The following NCAM1 variants were observed in gnomAD, a reference collection of about 807,000 sequenced individuals.
NCAM1 encodes the protein antigen recognized by monoclonal antibody 5.1H11.
A neutral mutation model predicts 109.8 loss-of-function variants in NCAM1; 14 were observed. That is an observed-to-expected ratio of 0.13 (90% CI 0.08 to 0.20). The LOEUF is 0.20. Among genes scored for constraint, NCAM1 ranks in the 10% least tolerant of loss-of-function variants. NCAM1 has a pLI of 1.00. For missense variants in NCAM1, 774 were observed against 1,109.9 expected, an observed-to-expected ratio of 0.70 and a Z score of 4.30; for synonymous variants, 418 against 442.9, an observed-to-expected ratio of 0.94 and a Z score of 0.70.
intron 16 of NCAM1, 103 bp from the exon 17 acceptor site, chr11:113,260,043 G>A (rs565546535): frequency 1.7e-4 from 177 of 1,044,098 alleles, no homozygotes; most frequent in Non-Finnish European, 2.3e-4. Flanking sequence ...CATGCCAAAA[G>A]TTATTGAGTC....
At chr11:113,056,673 C>T (rs1012299812) in intron 1 of NCAM1, among the ~76,000 whole-genome samples, 1 of 152,150 alleles carries the variant, frequency 6.6e-6, no homozygotes, top group Non-Finnish European at 1.5e-5. Flanking sequence ...TGCTAACAAG[C>T]ACATGAGCTT....
At chr11:113,243,519 A>G (rs1945403881) in intron 14 of NCAM1, 1 of 516,658 alleles carries the variant, frequency 1.9e-6, no homozygotes, top group Admixed American at 1.9e-5. Context: ...AATAGAGTCA[A>G]GAGCCAGATT....
At chr11:113,030,908 C>T (rs1555078235) in intron 1 of NCAM1, among the ~76,000 whole-genome samples, 1 of 152,160 alleles carries the variant, frequency 6.6e-6, no homozygotes, top group African/African-American at 2.4e-5. Flanking sequence ...TTTTTATCCC[C>T]TTATGTATGA....
intron 1 of NCAM1, chr11:113,003,762 C>G (rs1479889001): frequency 6.6e-6 from 1 of 152,230 alleles, no homozygotes; most frequent in African/African-American, 2.4e-5. Context: ...TTTGATCATG[C>G]TGAACCAATT....
At chr11:113,160,630 C>T (rs777109321) in intron 1 of NCAM1, among the ~76,000 whole-genome samples, 10 of 152,182 alleles carry the variant, frequency 6.6e-5, no homozygotes, top group Non-Finnish European at 1.3e-4. Context: ...ACTTGGCATT[C>T]GGCACTTTTG....
chr11:113,212,940 A>C (rs1944430478), intron 7 of NCAM1, among the ~76,000 whole-genome samples: 1 of 152,200 alleles, frequency 6.6e-6, no homozygotes, highest in Non-Finnish European at 1.5e-5. Flanking sequence ...GATTGGATTG[A>C]GATGTGCCTA....
chr11:112,962,479 G>A lies in NCAM1; in HGVS notation c.52+815G>A, dbSNP rs1950597135. Among the ~76,000 whole-genome samples the A allele has an allele frequency of 6.6e-6, 1 of 152,026 alleles. No individual in the cohort carries two copies. On this transcript the variant is annotated intron_variant, in intron 1 of 19. Coordinates refer to ENST00000316851, the MANE Select transcript of NCAM1 (RefSeq NM_181351.5). This position sits in a 1 kb window ranked among gnomAD's most constrained non-coding sequence, Gnocchi z 5.6. Reference sequence around the variant, plus strand: ...GCGCGCGTGTGTCTTTACACGCGCCGCGTGCCCAGTGTTGCACGGGGCGGG... The same window carrying A: ...GCGCGCGTGTGTCTTTACACGCGCCACGTGCCCAGTGTTGCACGGGGCGGG...
Position 113,233,064 on chromosome 11 carries a change from CAG to C in NCAM1, c.1523-79_1523-78del, listed in dbSNP as rs1555117601. ...GATTCCCAAGAGTGAGCAGAAATGA[CAG>C]AGATGTGCCTTGTGACTGAGAGTTA... On this transcript the variant is annotated intron_variant, in intron 12 of 19. Coordinates refer to ENST00000316851, the MANE Select transcript of NCAM1 (RefSeq NM_181351.5). This position sits in a 1 kb window ranked among gnomAD's most constrained non-coding sequence, Gnocchi z 4.5. 1 of 1,365,228 alleles carries C rather than the reference CAG, an allele frequency of 7.3e-7. No homozygotes were observed. The highest frequency in any genetic ancestry group is 1.0e-6 in the Non-Finnish European group (1 of 988,038). The allele number at this position is 1,365,228 out of a possible 1,614,324, so 84.6% of individuals were successfully genotyped here.
At position 113,072,961 on chromosome 11, in the gene NCAM1, G is replaced by A. The variant is rs112707062; in HGVS notation, c.52+111297G>A. Among the ~76,000 whole-genome samples, 732 of 151,524 alleles carry A rather than the reference G, an allele frequency of 4.8e-3. 5 individuals are homozygous for A. The highest frequency in any genetic ancestry group is 0.025 in the South Asian group (119 of 4,776). On this transcript the variant is annotated intron_variant, in intron 1 of 19. Coordinates refer to ENST00000316851, the MANE Select transcript of NCAM1 (RefSeq NM_181351.5). ...ACTCCCATCACTACCATCCATCTCCGGAATTCTTTTCATTTTGTAAAACCA... is the reference window on the plus strand; with the variant it reads ...ACTCCCATCACTACCATCCATCTCCAGAATTCTTTTCATTTTGTAAAACCA...
intron 1 of NCAM1, among the ~76,000 whole-genome samples, chr11:113,199,646 C>T (rs1426013592): frequency 8.9e-5 from 9 of 100,770 alleles, no homozygotes; most frequent in African/African-American, 1.9e-4. Context: ...GGTGGGGGGA[C>T]GGGGGAGGGA....
chr11:113,211,224 G>T (rs1555113618), intron 7 of NCAM1, among the ~76,000 whole-genome samples: 1 of 152,146 alleles, frequency 6.6e-6, no homozygotes, highest in African/African-American at 2.4e-5. Flanking sequence ...GCCCATCACT[G>T]GGGGAGAAAT....
chr11:112,998,576 G>C (rs980251550), intron 1 of NCAM1, among the ~76,000 whole-genome samples: 2 of 151,960 alleles, frequency 1.3e-5, no homozygotes, highest in Non-Finnish European at 2.9e-5. Context: ...CCTAGCCCCA[G>C]GTTATGGTCC....
intron 1 of NCAM1, among the ~76,000 whole-genome samples, chr11:113,165,905 C>T (rs549287880): frequency 5.0e-4 from 76 of 152,056 alleles, no homozygotes; most frequent in African/African-American, 1.5e-3. Context: ...CTCTGCCTCC[C>T]GGGTTCATGC....
chr11:113,034,565 T>C (rs1455229162), intron 1 of NCAM1, among the ~76,000 whole-genome samples: 2 of 151,870 alleles, frequency 1.3e-5, no homozygotes, highest in Admixed American at 6.5e-5. Context: ...TTCTTCTTCT[T>C]TCACTGCTTC....
At chr11:113,248,061 A>G (rs1005767066) in intron 15 of NCAM1, among the ~76,000 whole-genome samples, 1 of 152,180 alleles carries the variant, frequency 6.6e-6, no homozygotes, top group Non-Finnish European at 1.5e-5. Context: ...TCGGAACGAA[A>G]CAAAGCACAA....
intron 1 of NCAM1, among the ~76,000 whole-genome samples, chr11:113,012,530 G>A (rs1305034950): frequency 6.6e-6 from 1 of 152,194 alleles, no homozygotes; most frequent in Non-Finnish European, 1.5e-5. Flanking sequence ...GGGGCCAGCA[G>A]TCTGAAATGA....
chr11:113,112,351 C>A (rs1940482644), intron 1 of NCAM1, among the ~76,000 whole-genome samples: 1 of 152,180 alleles, frequency 6.6e-6, no homozygotes, highest in Non-Finnish European at 1.5e-5. Flanking sequence ...TAAATATTTT[C>A]CTTCTGACCT....
intron 8 of NCAM1, among the ~76,000 whole-genome samples, chr11:113,217,310 A>G (rs1248861824): frequency 2.0e-5 from 3 of 152,168 alleles, no homozygotes; most frequent in Non-Finnish European, 1.5e-5. Context: ...CCCTTCCTCT[A>G]CTCAGTCCTC....
chr11:113,031,715 A>G (rs934267558), intron 1 of NCAM1, among the ~76,000 whole-genome samples: 1 of 152,008 alleles, frequency 6.6e-6, no homozygotes, highest in Admixed American at 6.6e-5. Context: ...AAAGAAAAAG[A>G]AAAAAGGACA....
Sources: gnomAD v4.1 joint callset for allele counts (sites outside exome capture counted in the v4.1 genomes callset) on GRCh38, gnomAD v4.1.1 for gene constraint, Gnocchi (gnomAD v3.1) non-coding constraint, MANE v1.5 for transcripts, NCBI Gene and HGNC (gene_info 2026-07-23, HGNC 2026-07-21) for gene names.